PGM5: variants seen among roughly 807,000 people sequenced by gnomAD.
PGM5 encodes the protein phosphoglucomutase-like protein 5.
In PGM5, 23 loss-of-function variants were observed where a neutral mutation model predicts 59.2. The observed-to-expected ratio is 0.39, with a 90% confidence interval of 0.28 to 0.55. The LOEUF (loss-of-function observed/expected upper bound fraction) is 0.55. PGM5 is among the 20% of genes least tolerant of loss of function. The pLI is 0.66. For synonymous variants in PGM5, 214 were observed against 286.0 expected (o/e 0.75, Z 2.54); for missense variants, 574 against 748.3 (o/e 0.77, Z 2.72).
In PGM5 at chr9:68,421,760, A is replaced by T. The variant is rs142019028; in HGVS notation, c.1043+29287A>T. Among the ~76,000 whole-genome samples the T allele has an allele frequency of 2.2e-3, 341 of 152,134 alleles. 3 individuals carry two copies. Among genetic ancestry groups the T allele is most frequent in the African/African-American group, 7.4e-3 (306 of 41,494 alleles). Reference sequence around the variant, plus strand: ...AACAAAACAGAAATACTTAGAGCTGATTCTGCTTTCCTGACTGGCCCCTGA... The same window carrying T: ...AACAAAACAGAAATACTTAGAGCTGTTTCTGCTTTCCTGACTGGCCCCTGA... On this transcript the variant is annotated intron_variant, in intron 6 of 10. Transcript: ENST00000396396.
chr9:68,484,115 G>A (rs1824248300), intron 9 of PGM5, 67 bp downstream of exon 9: 3 of 1,378,850 alleles, frequency 2.2e-6, no homozygotes, highest in Non-Finnish European at 1.0e-6. Context: ...TCCTAGAACT[G>A]GAGAGGTCCT....
At chr9:68,371,154 T>A (rs376848) in intron 1 of PGM5, among the ~76,000 whole-genome samples, 1,896 of 152,254 alleles carry the variant, frequency 0.012, 45 homozygotes, top group African/African-American at 0.044. Context: ...CACTTGGGTG[T>A]GTGCACCTTC....
At chr9:68,389,598 A>G (rs1279851827) in intron 4 of PGM5, among the ~76,000 whole-genome samples, 1 of 152,136 alleles carries the variant, frequency 6.6e-6, no homozygotes, top group African/African-American at 2.4e-5. Flanking sequence ...ACTGCTGAGT[A>G]CAATTTTATT....
intron 9 of PGM5, among the ~76,000 whole-genome samples, chr9:68,484,663 G>C (rs1587208149): frequency 6.6e-6 from 1 of 151,020 alleles, no homozygotes; most frequent in Non-Finnish European, 1.5e-5. Context: ...GTAATGGATA[G>C]ACCAATATGT....
chr9:68,386,216 C>A (rs763853303), intron 3 of PGM5, among the ~76,000 whole-genome samples: 2 of 151,830 alleles, frequency 1.3e-5, no homozygotes, highest in African/African-American at 4.8e-5. Flanking sequence ...AGGGCATAAC[C>A]TTTTGTCTTA....
At chr9:68,369,004 A>C (rs569850945) in intron 1 of PGM5, among the ~76,000 whole-genome samples, 2 of 152,412 alleles carry the variant, frequency 1.3e-5, no homozygotes, top group South Asian at 4.1e-4. Context: ...TTTTTGTTTT[A>C]CATATAAAAA....
At chr9:68,505,724 C>T (rs1168324614) in intron 10 of PGM5, among the ~76,000 whole-genome samples, 2 of 152,310 alleles carry the variant, frequency 1.3e-5, no homozygotes, top group South Asian at 2.1e-4. Flanking sequence ...TGTTCACCAG[C>T]CTGGAAGCTC....
chr9:68,407,175 G>A (rs1349125597), intron 6 of PGM5, among the ~76,000 whole-genome samples: 2 of 152,106 alleles, frequency 1.3e-5, no homozygotes, highest in African/African-American at 4.8e-5. Flanking sequence ...CTGTTGCCTA[G>A]GCTGGAGGGC....
At chr9:68,463,548 G>A (rs948742129) in intron 6 of PGM5, among the ~76,000 whole-genome samples, 1 of 152,102 alleles carries the variant, frequency 6.6e-6, no homozygotes, top group Non-Finnish European at 1.5e-5. Context: ...GCAGATCTGG[G>A]TCCCAATTCT....
At chr9:68,512,801 A>G (rs1554689487) in intron 10 of PGM5, among the ~76,000 whole-genome samples, 1 of 152,222 alleles carries the variant, frequency 6.6e-6, no homozygotes, top group Non-Finnish European at 1.5e-5. Context: ...TATTAGTCGT[A>G]TGGTCTGTGT....
At chr9:68,518,873 A>G (rs558110907) in intron 10 of PGM5, among the ~76,000 whole-genome samples, 1 of 152,242 alleles carries the variant, frequency 6.6e-6, no homozygotes, top group Non-Finnish European at 1.5e-5. Context: ...TATAGGCAAC[A>G]CTGGAAAAAA....
At chr9:68,526,158 C>T (rs1211291039) in intron 10 of PGM5, among the ~76,000 whole-genome samples, 1 of 152,170 alleles carries the variant, frequency 6.6e-6, no homozygotes, top group African/African-American at 2.4e-5. Context: ...GGGACTTCTT[C>T]CCAGGCCTTC....
At chr9:68,483,801 G>T (rs1738640079) in intron 8 of PGM5, 64 bp from the exon 9 acceptor site, 16 of 1,471,502 alleles carry the variant, frequency 1.1e-5, no homozygotes, top group Non-Finnish European at 1.3e-5. Context: ...TTAAATAACT[G>T]TAAGTGGGCC....
At chr9:68,391,228 C>G (rs1822355599) in intron 4 of PGM5, among the ~76,000 whole-genome samples, 1 of 151,458 alleles carries the variant, frequency 6.6e-6, no homozygotes, top group African/African-American at 2.4e-5. Flanking sequence ...AAGCAACAGA[C>G]AATGAATCAT....
At chr9:68,426,030 A>G (rs1222088753) in intron 6 of PGM5, among the ~76,000 whole-genome samples, 1 of 152,142 alleles carries the variant, frequency 6.6e-6, no homozygotes, top group Non-Finnish European at 1.5e-5. Flanking sequence ...ATGCTGCTTT[A>G]GCTATATATT....
intron 6 of PGM5, among the ~76,000 whole-genome samples, chr9:68,403,880 A>T (rs1822738584): frequency 6.6e-6 from 1 of 152,210 alleles, no homozygotes; most frequent in Non-Finnish European, 1.5e-5. Flanking sequence ...TGTAATTTTG[A>T]CGTTGAATAT....
chr9:68,464,019 T>C (rs551988000), intron 6 of PGM5, among the ~76,000 whole-genome samples: 2 of 152,194 alleles, frequency 1.3e-5, no homozygotes, highest in African/African-American at 2.4e-5. Context: ...GTCTGGGTTA[T>C]ATTTATGAGA....
At position 68,446,949 on chromosome 9, in the gene PGM5, T is replaced by G. The variant is rs376372796; in HGVS notation, c.1044-18144T>G. Among the ~76,000 whole-genome samples, 46 of 152,294 alleles carry G rather than the reference T, an allele frequency of 3.0e-4. 1 individual carries two copies. The South Asian group carries it at 7.9e-3, about 26-fold the overall frequency. Reference sequence around the variant, plus strand: ...GAGGATGCCATTGTAATACTTGACCTTATAAGGGGGAAGAGTGGCCCAGCC... The same window carrying G: ...GAGGATGCCATTGTAATACTTGACCGTATAAGGGGGAAGAGTGGCCCAGCC... On this transcript the variant is annotated intron_variant, in intron 6 of 10. Coordinates refer to ENST00000396396, the MANE Select transcript of PGM5 (RefSeq NM_021965.4).
chr9:68,503,648 A>G (rs1824612254), intron 10 of PGM5, among the ~76,000 whole-genome samples: 1 of 152,236 alleles, frequency 6.6e-6, no homozygotes, highest in Non-Finnish European at 1.5e-5. Flanking sequence ...TTAGAACCGC[A>G]TCTCTTTGGA....
Sources: gnomAD v4.1 joint callset for allele counts (sites outside exome capture counted in the v4.1 genomes callset) on GRCh38, gnomAD v4.1.1 for gene constraint, MANE v1.5 for transcripts, NCBI Gene and HGNC (gene_info 2026-07-23, HGNC 2026-07-21) for gene names.